Variants in UPF2 observed in about 807,000 individuals in gnomAD.
UPF2 encodes the protein UPF2 regulator of nonsense mediated mRNA decay.
A neutral mutation model predicts 141.4 loss-of-function variants in UPF2; 17 were observed. That is an observed-to-expected ratio of 0.12 (90% CI 0.08 to 0.18). UPF2 has a LOEUF of 0.18. UPF2 is among the 10% of genes least tolerant of loss of function. The pLI is 1.00. For synonymous variants in UPF2, 540 were observed against 498.0 expected, an observed-to-expected ratio of 1.08 and a Z score of -1.12; for missense variants, 1,152 against 1,515.9, an observed-to-expected ratio of 0.76 and a Z score of 3.99.
rs1833800257 is a variant in UPF2, at chr10:11,992,731, AAATTC to A, written c.1844+4936_1844+4940del. Reference sequence around the variant, plus strand: ...TACTTTCAGAATATGTCTGAGAGTAAAATTCAATTCAATTGTACATAAAAGAGACT... The same window carrying A: ...TACTTTCAGAATATGTCTGAGAGTAAAATTCAATTGTACATAAAAGAGACT... On this transcript the variant is annotated intron_variant, in intron 8 of 21. Transcript: ENST00000357604. The surrounding 1 kb of genome is among the most constrained non-coding windows in gnomAD (Gnocchi z 4.1). Among the ~76,000 whole-genome samples the A allele has an allele frequency of 6.6e-6, 1 of 152,250 alleles. No individual in the cohort carries two copies. The highest frequency in any genetic ancestry group is 1.5e-5 in the Non-Finnish European group (1 of 68,046).
At chr10:12,018,553 C>T (rs1022310901) in intron 3 of UPF2, among the ~76,000 whole-genome samples, 4 of 152,022 alleles carry the variant, frequency 2.6e-5, no homozygotes, top group African/African-American at 9.7e-5. Context: ...TGCACTCTAG[C>T]CTGGGGGACA....
rs1832908557 is a variant in UPF2 at position 11,939,406 on chromosome 10, T to G, written c.3379-2694A>C. On this transcript the variant is annotated intron_variant, in intron 18 of 21. Transcript: ENST00000357604. This position sits in a 1 kb window ranked among gnomAD's most constrained non-coding sequence, Gnocchi z 4.8. ...TTTTCCCTTAACTGATTTGCAACGT[T>G]ATCTTCATCATATTACTAAACGGTC... Among the ~76,000 whole-genome samples, 1 of 152,248 alleles carries G rather than the reference T, an allele frequency of 6.6e-6. No individual in the cohort carries two copies. Among genetic ancestry groups the G allele is most frequent in the Admixed American group, 6.5e-5 (1 of 15,284 alleles).
chr10:11,977,854 T>C (rs1257976927), intron 9 of UPF2, among the ~76,000 whole-genome samples: 1 of 152,200 alleles, frequency 6.6e-6, no homozygotes, highest in Non-Finnish European at 1.5e-5. Flanking sequence ...CTTAACTTTA[T>C]TGAGTTCAGT....
intron 4 of UPF2, among the ~76,000 whole-genome samples, chr10:12,006,988 C>T (rs1168748781): frequency 6.6e-6 from 1 of 152,174 alleles, no homozygotes; most frequent in African/African-American, 2.4e-5. Flanking sequence ...CAGACACCAA[C>T]TTGGCTGGCA....
intron 9 of UPF2, among the ~76,000 whole-genome samples, chr10:11,974,056 T>C (rs530073740): frequency 3.9e-5 from 6 of 152,222 alleles, no homozygotes; most frequent in Non-Finnish European, 8.8e-5. Flanking sequence ...TTTTATTTCG[T>C]TGAGCAGTGG....
At chr10:12,012,124 G>A (rs1016407653) in intron 4 of UPF2, among the ~76,000 whole-genome samples, 19 of 149,198 alleles carry the variant, frequency 1.3e-4, no homozygotes, top group South Asian at 6.5e-4. Flanking sequence ...GTGCAATGGC[G>A]CGAGCCTGGC....
intron 8 of UPF2, among the ~76,000 whole-genome samples, chr10:11,989,180 T>G (rs1202745507): frequency 1.3e-5 from 2 of 152,192 alleles, no homozygotes; most frequent in Admixed American, 1.3e-4. Context: ...GCTTTCCAAA[T>G]CCCACAGTAA....
At position 12,032,297 on chromosome 10, in the gene UPF2, CA is replaced by C. The variant is rs56170503; in HGVS notation, c.365+2761del. On this transcript the variant is annotated intron_variant, in intron 2 of 21. Coordinates refer to ENST00000357604, the MANE Select transcript of UPF2 (RefSeq NM_015542.4). ...CAACAAGAGTGAAACAACTCTGTCT[CA>C]AAAAAAAAAAAAAGAAAGAAAAGAA... Among the ~76,000 whole-genome samples the C allele has an allele frequency of 1.8e-3, 202 of 113,712 alleles. 1 individual carries two copies. The highest frequency in any genetic ancestry group is 6.9e-3 in the South Asian group (24 of 3,472). The allele number at this position is 113,712 out of a possible 152,430, so 74.6% of individuals were successfully genotyped here.
chr10:12,009,686 C>A lies in UPF2; in HGVS notation c.1306+4338G>T, dbSNP rs186207930. 2.7e-3 allele frequency among the ~76,000 whole-genome samples: 408 copies of A among 152,296 alleles called. 4 individuals carry two copies. Among genetic ancestry groups the A allele is most frequent in the African/African-American group, 9.5e-3 (393 of 41,568 alleles). ...AGGCTGTGGCCAAGTAAGAGAGAAG[C>A]CAGGCAGTCTCCCTGAGTTGAGGAT... On this transcript the variant is annotated intron_variant, in intron 4 of 21. Transcript: ENST00000357604.
intron 3 of UPF2, among the ~76,000 whole-genome samples, chr10:12,022,273 G>T (rs78854768): frequency 2.2e-3 from 328 of 152,048 alleles, no homozygotes; most frequent in African/African-American, 7.5e-3. Context: ...TTAGCCAGGC[G>T]TGGCGGCATG....
chr10:12,037,550 C>A (rs1834654590), intron 1 of UPF2, among the ~76,000 whole-genome samples: 1 of 151,820 alleles, frequency 6.6e-6, no homozygotes. Flanking sequence ...TGTGTGCCAT[C>A]ACACTCAGCT....
intron 2 of UPF2, among the ~76,000 whole-genome samples, 176 bp from the exon 3 acceptor site, chr10:12,029,700 G>A (rs1285271678): frequency 6.6e-6 from 1 of 152,156 alleles, no homozygotes; most frequent in Non-Finnish European, 1.5e-5. Flanking sequence ...GGTGGCTCAT[G>A]CCTGTAATCC....
At position 11,956,885 on chromosome 10, in the gene UPF2, A is replaced by G. The variant is rs1833160541; in HGVS notation, c.2371-362T>C. On this transcript the variant is annotated intron_variant, in intron 12 of 21. Coordinates refer to ENST00000357604, the MANE Select transcript of UPF2 (RefSeq NM_015542.4). This position sits in a 1 kb window ranked among gnomAD's most constrained non-coding sequence, Gnocchi z 4.2. ...ACCCAGGCTGGAGTGCAGTAGCGCA[A>G]TCTTGACTCACTGCAACCTCCTCCT... Among the ~76,000 whole-genome samples the G allele has an allele frequency of 6.6e-6, 1 of 151,986 alleles. No individual in the cohort carries two copies. Among genetic ancestry groups the G allele is most frequent in the Non-Finnish European group, 1.5e-5 (1 of 67,996 alleles).
At position 11,998,304 on chromosome 10, in the gene UPF2, C is replaced by G. The variant is rs1157330911; in HGVS notation, c.1759-547G>C. ...CCTTAACTGACAGAGGAGAATTCTT[C>G]CAAAAGAAACTCAACTGTCTTCAAT... On this transcript the variant is annotated intron_variant, in intron 7 of 21. Transcript: ENST00000357604. This position sits in a 1 kb window ranked among gnomAD's most constrained non-coding sequence, Gnocchi z 4.5. 6.6e-6 allele frequency among the ~76,000 whole-genome samples: 1 copy of G among 152,076 alleles called. No homozygotes were observed. Among genetic ancestry groups the G allele is most frequent in the Admixed American group, 6.6e-5 (1 of 15,258 alleles).
At chr10:11,954,786 G>A (rs1280076973) in intron 14 of UPF2, among the ~76,000 whole-genome samples, 2 of 147,766 alleles carry the variant, frequency 1.4e-5, no homozygotes, top group African/African-American at 5.0e-5. Context: ...GACCAACCTG[G>A]CCAACATAGC....
At chr10:12,015,931 G>T (rs1193861928) in intron 3 of UPF2, among the ~76,000 whole-genome samples, 1 of 151,998 alleles carries the variant, frequency 6.6e-6, no homozygotes, top group African/African-American at 2.4e-5. Flanking sequence ...TGTTGAAATA[G>T]TTTAACCATA....
chr10:12,028,750 T>C lies in UPF2; in HGVS notation c.1140A>G (p.Gln380=), dbSNP rs1834463339. 1 of 1,572,342 alleles carries C rather than the reference T, an allele frequency of 6.4e-7. No individual in the cohort carries two copies. Among genetic ancestry groups the C allele is most frequent in the Non-Finnish European group, 8.6e-7 (1 of 1,162,944 alleles). ...DHRELQNTER[Q]NRRILHSKGE... is the part of the protein sequence containing the mutation. ...GAGAAACATTTGAAAATCACCTGTT[T>C]TGTCTCTCAGTATTCTGGAGCTCCC... The change falls in exon 3 of 22, where the codon CAA becomes CAG. Residue 380 remains glutamine, a synonymous_variant. Coordinates refer to ENST00000357604, the MANE Select transcript of UPF2 (RefSeq NM_015542.4).
intron 14 of UPF2, among the ~76,000 whole-genome samples, chr10:11,952,469 CTTTTTTTTTT>C (rs869201076): frequency 1.2e-4 from 12 of 97,744 alleles, no homozygotes; most frequent in Non-Finnish European, 2.3e-4. Flanking sequence ...TACTAAATAT[CTTTTTTTTTT>C]TTTTTTTTTT....
At chr10:11,981,712 G>C (rs144373060) in intron 8 of UPF2, among the ~76,000 whole-genome samples, 1 of 151,624 alleles carries the variant, frequency 6.6e-6, no homozygotes, top group African/African-American at 2.4e-5. Flanking sequence ...ACGGAGTCTC[G>C]CTCTGTCGCC....
Sources: gnomAD v4.1 joint callset for allele counts (sites outside exome capture counted in the v4.1 genomes callset) on GRCh38, gnomAD v4.1.1 for gene constraint, Gnocchi (gnomAD v3.1) non-coding constraint, MANE v1.5 for transcripts, NCBI Gene and HGNC (gene_info 2026-07-23, HGNC 2026-07-21) for gene names.